The following SLC25A30 variants were observed in gnomAD, a reference collection of about 807,000 sequenced individuals.
SLC25A30 encodes kidney mitochondrial carrier protein 1.
SLC25A30 carries 29 observed loss-of-function variants against 42.7 expected under a neutral mutation model. That is an observed-to-expected ratio of 0.68 (90% CI 0.51 to 0.93). The LOEUF is 0.93. Ranked by LOEUF, SLC25A30 falls within the 40% of genes least tolerant of loss-of-function variation. The pLI, the probability that SLC25A30 is intolerant of heterozygous loss-of-function variation, is 0.00. For synonymous variants in SLC25A30, 124 were observed against 131.0 expected, an observed-to-expected ratio of 0.95 and a Z score of 0.37; for missense variants, 300 against 359.7, an observed-to-expected ratio of 0.83 and a Z score of 1.34.
At position 45,409,336 on chromosome 13, in the gene SLC25A30, C is replaced by T. The variant is rs532319598; in HGVS notation, c.65-262G>A. ...TTATTCTACACAGGATTTGGGTAGG[C>T]TGCATTGTTGTAGAAAGCAAATACG... is the stretch of plus-strand genomic sequence containing the variant. On this transcript the variant is annotated intron_variant, in intron 2 of 9. Coordinates refer to ENST00000519676, the MANE Select transcript of SLC25A30 (RefSeq NM_001010875.4). Among the ~76,000 whole-genome samples, 24 of 152,190 alleles carry T rather than the reference C, an allele frequency of 1.6e-4. No homozygotes were observed. In the East Asian group the frequency reaches 4.6e-3, roughly 29 times the overall value.
chr13:45,395,127 A>G lies in SLC25A30; in HGVS notation c.*847T>C, dbSNP rs1881213516. 3.0e-6 allele frequency: 3 copies of G among 985,382 alleles called. No homozygotes were observed. Among genetic ancestry groups the G allele is most frequent in the Non-Finnish European group, 2.4e-6 (2 of 829,866 alleles). The allele number at this position is 985,382 out of a possible 1,614,324, so 61.0% of individuals were successfully genotyped here. A position where few individuals can be genotyped will look rare whatever the true frequency, so the allele number is the denominator to read the frequency against. ...TTCCAGTCAAGTAGCAGCAGCTACTATTTGTTCTTCATTTGACCCTCTACA... is the reference window on the plus strand; with the variant it reads ...TTCCAGTCAAGTAGCAGCAGCTACTGTTTGTTCTTCATTTGACCCTCTACA... On this transcript the variant is annotated 3_prime_UTR_variant, in exon 10 of 10. Coordinates refer to ENST00000519676, the MANE Select transcript of SLC25A30 (RefSeq NM_001010875.4).
the SLC25A30 span, among the ~76,000 whole-genome samples, chr13:45,429,953 A>G: frequency 6.6e-6 from 1 of 152,086 alleles, no homozygotes. Context: ...AAAAAAAATG[A>G]AACTGATACA....
At chr13:45,396,182 T>A in intron 9 of SLC25A30, 167 bp from the exon 10 acceptor site, 1 of 1,489,730 alleles carries the variant, frequency 6.7e-7, no homozygotes. Context: ...TCAAACTATC[T>A]TCCAAGGTCA....
At chr13:45,401,858 G>A (rs77443750) in intron 6 of SLC25A30, among the ~76,000 whole-genome samples, 2 of 151,954 alleles carry the variant, frequency 1.3e-5, no homozygotes, top group Non-Finnish European at 2.9e-5. Flanking sequence ...TCAGGAGTTC[G>A]AGACCAGCCT....
chr13:45,410,526 C>T (rs996835158), intron 2 of SLC25A30, among the ~76,000 whole-genome samples: 2 of 150,352 alleles, frequency 1.3e-5, no homozygotes, highest in African/African-American at 2.5e-5. Context: ...ATTAGCCGGG[C>T]GTGGTCGTGC....
At chr13:45,423,792 A>G in the SLC25A30 span, among the ~76,000 whole-genome samples, 5 of 75,112 alleles carry the variant, frequency 6.7e-5, 1 homozygote, top group East Asian at 7.1e-4. Flanking sequence ...ATAAATATAT[A>G]AATATATATT....
intron 1 of SLC25A30, among the ~76,000 whole-genome samples, chr13:45,417,887 C>A (rs1883675046): frequency 6.6e-6 from 1 of 152,242 alleles, no homozygotes; most frequent in Admixed American, 6.5e-5. Flanking sequence ...GCGAAGCTCG[C>A]GGGCGCTCAG....
intron 5 of SLC25A30, among the ~76,000 whole-genome samples, chr13:45,404,019 A>C (rs1405436505): frequency 6.6e-6 from 1 of 152,116 alleles, no homozygotes; most frequent in Non-Finnish European, 1.5e-5. Context: ...GTCCATCTAT[A>C]TTTAATGAAC....
the SLC25A30 span, among the ~76,000 whole-genome samples, chr13:45,423,990 TAAATATATATAA>T: frequency 4.6e-5 from 4 of 87,162 alleles, no homozygotes; most frequent in Non-Finnish European, 8.0e-5. Context: ...TATATTTATA[TAAATATATATAA>T]AAATATATAT....
chr13:45,424,152 T>TATATATAAATATATTA, the SLC25A30 span, among the ~76,000 whole-genome samples: 1 of 87,202 alleles, frequency 1.1e-5, no homozygotes, highest in African/African-American at 4.9e-5. Flanking sequence ...AATATAAGTA[T>TATATATAAATATATTA]ATATATAGAA....
chr13:45,422,958 G>T (rs1484483228), upstream of SLC25A30, among the ~76,000 whole-genome samples: 1 of 152,068 alleles, frequency 6.6e-6, no homozygotes, highest in African/African-American at 2.4e-5. Flanking sequence ...GGTGAAATGG[G>T]TGCCTGCCCT....
chr13:45,415,073 G>A (rs919210994), intron 1 of SLC25A30, among the ~76,000 whole-genome samples: 1 of 152,166 alleles, frequency 6.6e-6, no homozygotes, highest in African/African-American at 2.4e-5. Flanking sequence ...TCTAAGCCAT[G>A]CTAAAACCCA....
chr13:45,424,614 TATAAATATATATAAATATGTATATAAAC>T, the SLC25A30 span, among the ~76,000 whole-genome samples: 10 of 59,694 alleles, frequency 1.7e-4, no homozygotes, highest in Admixed American at 1.9e-3. Context: ...TATAAATATA[TATAAATATATATAAATATGTATATAAAC>T]ATAAATATAT....
At chr13:45,427,324 GA>G in the SLC25A30 span, among the ~76,000 whole-genome samples, 1 of 152,102 alleles carries the variant, frequency 6.6e-6, no homozygotes, top group Non-Finnish European at 1.5e-5. Flanking sequence ...CACCAAAAAA[GA>G]AAACAATTAC....
chr13:45,417,864 C>T (rs576399507), intron 1 of SLC25A30, among the ~76,000 whole-genome samples: 2 of 151,656 alleles, frequency 1.3e-5, no homozygotes, highest in African/African-American at 4.9e-5. Context: ...TGTGGTGTGC[C>T]CTCTCCCACA....
chr13:45,409,766 G>A (rs185529174), intron 2 of SLC25A30, among the ~76,000 whole-genome samples: 134 of 152,240 alleles, frequency 8.8e-4, no homozygotes, highest in Non-Finnish European at 1.3e-3. Context: ...CCGAGATCAC[G>A]TCACCATACT....
intron 2 of SLC25A30, among the ~76,000 whole-genome samples, chr13:45,411,078 T>C (rs1593622612): frequency 6.6e-6 from 1 of 151,384 alleles, no homozygotes; most frequent in African/African-American, 2.4e-5. Flanking sequence ...TAGCGGGGAC[T>C]ACAGGCCTGT....
At chr13:45,415,738 C>T (rs1241802485) in intron 1 of SLC25A30, among the ~76,000 whole-genome samples, 2 of 129,536 alleles carry the variant, frequency 1.5e-5, no homozygotes, top group African/African-American at 2.8e-5. Context: ...GGTGACAGAG[C>T]GAGACTCCAT....
rs1198783636 is a variant in SLC25A30, at chr13:45,394,196, A to T, written c.*1778T>A. 1.0e-6 allele frequency: 1 copy of T among 985,188 alleles called. No individual in the cohort carries two copies. The highest frequency in any genetic ancestry group is 1.7e-5 in the African/African-American group (1 of 57,176). 61.0% of individuals were successfully genotyped at this position (985,188 alleles called of 1,614,324 possible). On this transcript the variant is annotated 3_prime_UTR_variant, in exon 10 of 10. Transcript: ENST00000519676. Reference sequence around the variant, plus strand: ...TCTAGGGTTGCCCAGGGAGAGCTGGACTTTCATCTGAGTCTCAGCAATTAA... The same window carrying T: ...TCTAGGGTTGCCCAGGGAGAGCTGGTCTTTCATCTGAGTCTCAGCAATTAA...
Sources: allele counts gnomAD v4.1 joint callset (sites outside exome capture counted in the v4.1 genomes callset), GRCh38; gene constraint gnomAD v4.1.1; transcripts MANE v1.5; gene names NCBI Gene and HGNC (gene_info 2026-07-23, HGNC 2026-07-21).